Variants in TRPS1 observed in about 807,000 individuals in gnomAD.
TRPS1 encodes zinc finger transcription factor Trps1.
In TRPS1, 6 loss-of-function variants were observed where a neutral mutation model predicts 101.2. The ratio of observed to expected loss-of-function variants is 0.06; its 90% CI spans 0.03 to 0.12. The LOEUF is 0.12. Ranked by LOEUF, TRPS1 falls within the 10% of genes least tolerant of loss-of-function variation. TRPS1 has a pLI of 1.00. For synonymous variants in TRPS1, 578 were observed against 589.8 expected, an observed-to-expected ratio of 0.98 and a Z score of 0.29; for missense variants, 1,363 against 1,567.0, an observed-to-expected ratio of 0.87 and a Z score of 2.20.
chr8:115,476,921 A>G (rs1451268362), intron 5 of TRPS1, among the ~76,000 whole-genome samples: 1 of 152,206 alleles, frequency 6.6e-6, no homozygotes, highest in East Asian at 1.9e-4. Context: ...CTTATTCTCT[A>G]TCTCCTTCGT....
chr8:115,434,945 T>A (rs1252321459), intron 5 of TRPS1, among the ~76,000 whole-genome samples: 1 of 152,144 alleles, frequency 6.6e-6, no homozygotes, highest in Non-Finnish European at 1.5e-5. Context: ...AGGAAAAGAG[T>A]CTGCTTCCCA....
chr8:115,618,062 T>C (rs747892794), intron 3 of TRPS1, among the ~76,000 whole-genome samples: 1 of 152,176 alleles, frequency 6.6e-6, no homozygotes. Context: ...TAATTGGTAT[T>C]AGGTCAATAG....
chr8:115,587,294 G>A lies in TRPS1; in HGVS notation c.2407C>T (p.Arg803Cys). Residue 803 changes from arginine to cysteine, a missense_variant, in exon 5 of 7, where the codon CGC becomes TGC. This residue lies in a region of TRPS1 where 1,020 missense variants were observed against 1,073.0 expected (regional missense o/e 0.95). Coordinates refer to ENST00000395715, the MANE Select transcript of TRPS1 (RefSeq NM_014112.5). ...VWTESSSDDL[R>C]NVTWRGADIL... is the part of the protein sequence containing the mutation. ...TCTGCCCCTCTCCAAGTCACATTGC[G>A]AAGGTCATCACTGGAACTCTCGGTC... 5 of 1,614,182 alleles carry A rather than the reference G, an allele frequency of 3.1e-6. No individual in the cohort carries two copies. Among genetic ancestry groups the A allele is most frequent in the Non-Finnish European group, 2.5e-6 (3 of 1,180,022 alleles).
intron 5 of TRPS1, among the ~76,000 whole-genome samples, chr8:115,544,745 A>T (rs1245526112): frequency 6.6e-6 from 1 of 152,152 alleles, no homozygotes; most frequent in Non-Finnish European, 1.5e-5. Context: ...TTAATTTATT[A>T]AATCATTCTC....
intron 3 of TRPS1, among the ~76,000 whole-genome samples, chr8:115,614,393 CATG>C (rs762942183): frequency 6.6e-6 from 1 of 152,158 alleles, no homozygotes; most frequent in Admixed American, 6.5e-5. Flanking sequence ...TACCAACTGT[CATG>C]AACAAGGCCA....
chr8:115,649,876 A>C (rs1811519641), intron 1 of TRPS1, among the ~76,000 whole-genome samples: 2 of 152,202 alleles, frequency 1.3e-5, no homozygotes, highest in Non-Finnish European at 2.9e-5. Flanking sequence ...AGCCCAGCAC[A>C]CATGCTGTAC....
intron 5 of TRPS1, among the ~76,000 whole-genome samples, chr8:115,559,979 G>A (rs1456577552): frequency 6.6e-6 from 1 of 151,926 alleles, no homozygotes; most frequent in African/African-American, 2.4e-5. Flanking sequence ...TGACTTTCTT[G>A]GGAGGCACTA....
chr8:115,656,229 T>G (rs1239084642), intron 1 of TRPS1, among the ~76,000 whole-genome samples: 1 of 152,176 alleles, frequency 6.6e-6, no homozygotes, highest in African/African-American at 2.4e-5. Context: ...AGTAGCAGCT[T>G]ATTTGTTTTT....
At chr8:115,438,688 C>T (rs1199535855) in intron 5 of TRPS1, among the ~76,000 whole-genome samples, 4 of 152,088 alleles carry the variant, frequency 2.6e-5, no homozygotes, top group Admixed American at 1.3e-4. Flanking sequence ...TCTATAGTAA[C>T]CTCATCGGCT....
chr8:115,610,772 T>C (rs1254757342), intron 3 of TRPS1, among the ~76,000 whole-genome samples: 1 of 152,158 alleles, frequency 6.6e-6, no homozygotes, highest in Admixed American at 6.5e-5. Context: ...TGAATTAATT[T>C]TTCTATATTA....
intron 5 of TRPS1, among the ~76,000 whole-genome samples, chr8:115,468,464 A>G (rs1379928945): frequency 6.6e-6 from 1 of 152,238 alleles, no homozygotes; most frequent in African/African-American, 2.4e-5. Flanking sequence ...TGAGAGGGAC[A>G]GGATGGAAAA....
At chr8:115,508,643 T>C (rs1344514436) in intron 5 of TRPS1, among the ~76,000 whole-genome samples, 1 of 151,984 alleles carries the variant, frequency 6.6e-6, no homozygotes, top group Non-Finnish European at 1.5e-5. Flanking sequence ...ATCCAAAGGA[T>C]GTCTGTTTTT....
chr8:115,655,932 T>C (rs572206606), intron 1 of TRPS1, among the ~76,000 whole-genome samples: 1 of 152,268 alleles, frequency 6.6e-6, no homozygotes, highest in East Asian at 1.9e-4. Flanking sequence ...GGCAAAATGT[T>C]TGCCTGACAT....
At chr8:115,419,921 T>C (rs1326163659) in intron 5 of TRPS1, among the ~76,000 whole-genome samples, 2 of 152,010 alleles carry the variant, frequency 1.3e-5, no homozygotes, top group Non-Finnish European at 2.9e-5. Context: ...ACAAGGAAAA[T>C]GAATGAAACG....
At chr8:115,456,605 A>G (rs1318303090) in intron 5 of TRPS1, among the ~76,000 whole-genome samples, 2 of 152,154 alleles carry the variant, frequency 1.3e-5, no homozygotes, top group African/African-American at 2.4e-5. Flanking sequence ...TCACTTTGGC[A>G]AAGATCACCT....
At chr8:115,570,462 G>T (rs1363512487) in intron 5 of TRPS1, among the ~76,000 whole-genome samples, 1 of 151,726 alleles carries the variant, frequency 6.6e-6, no homozygotes, top group Non-Finnish European at 1.5e-5. Context: ...ATTGATTTTA[G>T]ACCTCCTAAA....
intron 5 of TRPS1, among the ~76,000 whole-genome samples, chr8:115,531,248 T>C (rs1189039315): frequency 2.0e-5 from 3 of 152,136 alleles, no homozygotes; most frequent in South Asian, 2.1e-4. Context: ...ACTGAAGTAA[T>C]AGAGAAAGGC....
chr8:115,625,903 G>A (rs1291815439), intron 1 of TRPS1, among the ~76,000 whole-genome samples: 1 of 151,644 alleles, frequency 6.6e-6, no homozygotes, highest in Non-Finnish European at 1.5e-5. Flanking sequence ...AATGCCAGAT[G>A]ACATTTTCTT....
intron 5 of TRPS1, among the ~76,000 whole-genome samples, chr8:115,510,228 C>T (rs1364121018): frequency 6.6e-6 from 1 of 151,880 alleles, no homozygotes; most frequent in Non-Finnish European, 1.5e-5. Flanking sequence ...GTGTCATACC[C>T]TTTGCTTTAT....
Sources: allele counts gnomAD v4.1 joint callset (sites outside exome capture counted in the v4.1 genomes callset), GRCh38; gene constraint gnomAD v4.1.1; regional missense constraint gnomAD v4.1.1; transcripts MANE v1.5; gene names NCBI Gene and HGNC (gene_info 2026-07-23, HGNC 2026-07-21).